Variants in PCDHA2 observed in about 807,000 individuals in gnomAD.
The protein encoded by PCDHA2 is protocadherin alpha 2.
Under a neutral mutation model 66.0 loss-of-function variants are expected in PCDHA2, and 58 were observed. That is an observed-to-expected ratio of 0.88 (90% CI 0.71 to 1.09). The LOEUF (loss-of-function observed/expected upper bound fraction) is 1.09. PCDHA2 is among the 50% of genes least tolerant of loss of function. PCDHA2 has a pLI of 0.00. For missense variants in PCDHA2, 1,267 were observed against 1,242.3 expected, an observed-to-expected ratio of 1.02 and a Z score of -0.30; for synonymous variants, 634 against 554.0, an observed-to-expected ratio of 1.14 and a Z score of -2.03.
chr5:140,922,085 AT>A (rs1453055437), intron 1 of PCDHA2, among the ~76,000 whole-genome samples: 1 of 152,194 alleles, frequency 6.6e-6, no homozygotes, highest in Non-Finnish European at 1.5e-5. Context: ...AAAAAGTGGT[AT>A]TTCTACCAAC....
At position 140,823,008 on chromosome 5, in the gene PCDHA2, C is replaced by T. The variant is rs146843767; in HGVS notation, c.2388+25656C>T. 1.9e-4 allele frequency: 303 copies of T among 1,614,232 alleles called. 1 individual carries two copies. The African/African-American group carries it at 3.5e-3, about 18-fold the overall frequency. On this transcript the variant is annotated intron_variant, in intron 1 of 3. Coordinates refer to ENST00000526136, the MANE Select transcript of PCDHA2 (RefSeq NM_018905.3). ...ACTACTCGTTGGTGCTGGACAGCGCCCTGGACCGCGAGAGCGTGTCGGTCT... is the reference window on the plus strand; with the variant it reads ...ACTACTCGTTGGTGCTGGACAGCGCTCTGGACCGCGAGAGCGTGTCGGTCT...
chr5:140,838,969 A>G (rs1274095738), intron 1 of PCDHA2, among the ~76,000 whole-genome samples: 1 of 152,050 alleles, frequency 6.6e-6, no homozygotes, highest in Non-Finnish European at 1.5e-5. Flanking sequence ...CCCAGAACTG[A>G]CAATTTTCAC....
chr5:140,863,148 G>A (rs782014665), intron 1 of PCDHA2: 1 of 616,420 alleles, frequency 1.6e-6, no homozygotes, highest in Non-Finnish European at 3.1e-6. Context: ...TGCTGGTGAA[G>A]GACCACTGCG....
chr5:140,821,713 T>C, intron 1 of PCDHA2: 1 of 1,478,600 alleles, frequency 6.8e-7, no homozygotes. Flanking sequence ...AATTGGGAAT[T>C]GAATTTACAA....
chr5:140,888,945 T>G (rs2062037344), intron 1 of PCDHA2, among the ~76,000 whole-genome samples: 1 of 152,102 alleles, frequency 6.6e-6, no homozygotes, highest in African/African-American at 2.4e-5. Context: ...GAGGTATAAA[T>G]TTTTTCTTTG....
intron 1 of PCDHA2, among the ~76,000 whole-genome samples, chr5:140,873,569 G>A (rs1419596036): frequency 6.7e-6 from 1 of 148,974 alleles, no homozygotes; most frequent in African/African-American, 2.4e-5. Context: ...TTCTAGTTTG[G>A]TTGTTTAAGT....
At chr5:140,960,853 T>C (rs1554225072) in intron 1 of PCDHA2, among the ~76,000 whole-genome samples, 2 of 152,214 alleles carry the variant, frequency 1.3e-5, no homozygotes, top group Non-Finnish European at 1.5e-5. Flanking sequence ...ATGGCAACTA[T>C]AAGCCAGAAA....
intron 1 of PCDHA2, chr5:140,802,554 C>A (rs781941410): frequency 6.2e-7 from 1 of 1,614,194 alleles, no homozygotes; most frequent in Admixed American, 1.7e-5. Flanking sequence ...CGACAATGCG[C>A]CGGCATTCTC....
intron 1 of PCDHA2, among the ~76,000 whole-genome samples, chr5:140,924,907 A>T (rs538089373): frequency 0.035 from 1,776 of 50,942 alleles, 16 homozygotes; most frequent in Non-Finnish European, 0.042. Context: ...AAAAAAAAAT[A>T]AAATAAAATA....
intron 1 of PCDHA2, among the ~76,000 whole-genome samples, chr5:140,845,922 T>A (rs782092112): frequency 6.7e-6 from 1 of 149,778 alleles, no homozygotes; most frequent in Non-Finnish European, 1.5e-5. Flanking sequence ...CTTATTTTTG[T>A]GTAAAACTAT....
At position 140,998,145 on chromosome 5, in the gene PCDHA2, A is replaced by G. The variant is rs115385085; in HGVS notation, c.2537-11482A>G. ...GAATCATAATAGCTAACCTGTACTG[A>G]ACAGTTAAGCCATGTGCCAAGTATT... On this transcript the variant is annotated intron_variant, in intron 3 of 3. Transcript: ENST00000526136. 2.1e-3 allele frequency among the ~76,000 whole-genome samples: 325 copies of G among 152,342 alleles called. 2 individuals carry two copies. Among genetic ancestry groups the G allele is most frequent in the African/African-American group, 7.1e-3 (294 of 41,566 alleles).
chr5:140,946,631 T>TATATACACAC (rs57893927), intron 1 of PCDHA2, among the ~76,000 whole-genome samples: 7 of 131,846 alleles, frequency 5.3e-5, no homozygotes, highest in Non-Finnish European at 1.1e-4. Context: ...TATATATATA[T>TATATACACAC]ACAATGGAAT....
chr5:140,898,644 T>C (rs2066890005), intron 1 of PCDHA2, among the ~76,000 whole-genome samples: 2 of 152,226 alleles, frequency 1.3e-5, no homozygotes, highest in Admixed American at 1.3e-4. Context: ...GCTTTGTTCT[T>C]TTGGCTTAGG....
At chr5:140,852,893 T>C in intron 1 of PCDHA2, 1 of 907,664 alleles carries the variant, frequency 1.1e-6, no homozygotes, top group Non-Finnish European at 1.3e-6. Context: ...GTATTTTTTT[T>C]TTTGAGTCAG....
intron 1 of PCDHA2, among the ~76,000 whole-genome samples, chr5:140,961,519 A>G (rs246002): frequency 0.56 from 85,694 of 152,068 alleles, 24,757 homozygotes; most frequent in African/African-American, 0.69. Flanking sequence ...ATGTCTCCAC[A>G]AATTCTAGAT....
intron 1 of PCDHA2, chr5:140,857,029 A>G: frequency 1.3e-6 from 2 of 1,596,504 alleles, no homozygotes; most frequent in Non-Finnish European, 1.7e-6. Context: ...AGGGAAACCC[A>G]CCTATGGTTG....
At position 140,924,894 on chromosome 5, in the gene PCDHA2, CA is replaced by C. The variant is rs782133089; in HGVS notation, c.2389-54044del. 4.9e-4 allele frequency among the ~76,000 whole-genome samples: 35 copies of C among 71,496 alleles called. 1 individual carries two copies. Among genetic ancestry groups the C allele is most frequent in the Admixed American group, 2.6e-3 (18 of 6,864 alleles). The allele number at this position is 71,496 out of a possible 152,430, so 46.9% of individuals were successfully genotyped here. On this transcript the variant is annotated intron_variant, in intron 1 of 3. Coordinates refer to ENST00000526136, the MANE Select transcript of PCDHA2 (RefSeq NM_018905.3). Reference sequence around the variant, plus strand: ...TGGGTGACAGAGCAAGAACCTGTCTCAAAAAAAAAAATAAAATAAAATAAAA... The same window carrying C: ...TGGGTGACAGAGCAAGAACCTGTCTCAAAAAAAAAATAAAATAAAATAAAA...
intron 1 of PCDHA2, chr5:140,883,037 A>C: frequency 6.2e-7 from 1 of 1,614,166 alleles, no homozygotes; most frequent in Non-Finnish European, 8.5e-7. Flanking sequence ...GAACGCCTTC[A>C]ATGGAACATT....
chr5:140,950,944 T>C (rs2094535037), intron 1 of PCDHA2, among the ~76,000 whole-genome samples: 1 of 152,090 alleles, frequency 6.6e-6, no homozygotes, highest in Admixed American at 6.5e-5. Flanking sequence ...TCAGATTGGA[T>C]CATTTCTATT....
Sources: allele counts gnomAD v4.1 joint callset (sites outside exome capture counted in the v4.1 genomes callset), GRCh38; gene constraint gnomAD v4.1.1; transcripts MANE v1.5; gene names NCBI Gene and HGNC (gene_info 2026-07-23, HGNC 2026-07-21).